ABLIM2: variants seen among roughly 807,000 people sequenced by gnomAD.
ABLIM2 encodes actin binding LIM protein family member 2, also known as actin-binding LIM protein 2.
A neutral mutation model predicts 97.7 loss-of-function variants in ABLIM2; 53 were observed. The observed-to-expected ratio is 0.54, with a 90% confidence interval of 0.44 to 0.68. The LOEUF (loss-of-function observed/expected upper bound fraction) is 0.68. Ranked by LOEUF, ABLIM2 falls within the 30% of genes least tolerant of loss-of-function variation. The pLI, the probability that ABLIM2 is intolerant of heterozygous loss-of-function variation, is 0.00. For synonymous variants in ABLIM2, 361 were observed against 345.8 expected (o/e 1.04, Z -0.49); for missense variants, 835 against 867.2 (o/e 0.96, Z 0.47).
At chr4:8,008,011 G>A (rs749546974) in intron 16 of ABLIM2, 48 bp downstream of exon 16, 133 of 1,602,524 alleles carry the variant, frequency 8.3e-5, no homozygotes, top group Non-Finnish European at 1.1e-4. Context: ...TCTTTGCCGC[G>A]AGGCATTTTG....
chr4:8,025,319 C>T (rs918331714), intron 12 of ABLIM2, among the ~76,000 whole-genome samples: 2 of 152,222 alleles, frequency 1.3e-5, no homozygotes, highest in African/African-American at 4.8e-5. Context: ...AACCTGGCCC[C>T]ACCCAGGGGA....
chr4:7,977,387 T>C (rs755319929), intron 20 of ABLIM2, among the ~76,000 whole-genome samples: 2 of 151,974 alleles, frequency 1.3e-5, no homozygotes, highest in Non-Finnish European at 2.9e-5. Context: ...TATATGCACA[T>C]ATCACACATG....
In ABLIM2 at chr4:8,122,120, G is replaced by T. The variant is rs1214825194; in HGVS notation, c.11-15483C>A. On this transcript the variant is annotated intron_variant, in intron 1 of 20. Transcript: ENST00000447017. This position sits in a 1 kb window ranked among gnomAD's most constrained non-coding sequence, Gnocchi z 4.1. The stretch of plus-strand genomic sequence containing the variant: ...ACAATATGCCCCCAAGCATATACTG[G>T]CCACACCTCAGCTGCAACCCACTCC... Among the ~76,000 whole-genome samples the T allele has an allele frequency of 6.6e-6, 1 of 152,170 alleles. No homozygotes were observed. Among genetic ancestry groups the T allele is most frequent in the Non-Finnish European group, 1.5e-5 (1 of 68,022 alleles).
intron 8 of ABLIM2, among the ~76,000 whole-genome samples, chr4:8,049,948 G>A (rs901436087): frequency 6.6e-6 from 1 of 152,082 alleles, no homozygotes; most frequent in Non-Finnish European, 1.5e-5. Flanking sequence ...GGCTGGTCTC[G>A]AACTCCTGAC....
At position 7,998,592 on chromosome 4, in the gene ABLIM2, C is replaced by A. The variant is rs908894449; in HGVS notation, c.1619-5665G>T. The A allele has an allele frequency of 4.1e-6, 2 of 482,576 alleles. No homozygotes were observed. The highest frequency in any genetic ancestry group is 3.9e-5 in the African/African-American group (2 of 51,074). 29.9% of individuals were successfully genotyped at this position (482,576 alleles called of 1,614,324 possible). ...GCCCCTGGGTTCACTCCCAGGACTG[C>A]GGGGTGCCTGCTGGCCACCTGCCCA... On this transcript the variant is annotated intron_variant, in intron 16 of 20. Coordinates refer to ENST00000447017, the MANE Select transcript of ABLIM2 (RefSeq NM_001130083.2). The surrounding 1 kb of genome is among the most constrained non-coding windows in gnomAD (Gnocchi z 6.4).
At position 7,998,988 on chromosome 4, in the gene ABLIM2, G is replaced by T. The variant is rs1465234607; in HGVS notation, c.1619-6061C>A. On this transcript the variant is annotated intron_variant, in intron 16 of 20. Transcript: ENST00000447017. The surrounding 1 kb of genome is among the most constrained non-coding windows in gnomAD (Gnocchi z 6.4). Reference sequence around the variant, plus strand: ...GTCTGGACTCCTGAAGTTGGTCTCTGTTGGGGTGGACCAGCAATCTGTAGA... The same window carrying T: ...GTCTGGACTCCTGAAGTTGGTCTCTTTTGGGGTGGACCAGCAATCTGTAGA... 6.6e-6 allele frequency among the ~76,000 whole-genome samples: 1 copy of T among 152,260 alleles called. No individual in the cohort carries two copies.
rs951750860 is a variant in ABLIM2, at chr4:8,019,444, A to G, written c.1423+174T>C. The stretch of plus-strand genomic sequence containing the variant: ...ATACCCTTCATCGTAATTTATCAGA[A>G]CAGGACTCTCGGGAGGCTGCTAGTG... On this transcript the variant is annotated intron_variant, in intron 14 of 20. Transcript: ENST00000447017. This position sits in a 1 kb window ranked among gnomAD's most constrained non-coding sequence, Gnocchi z 4.3. Among the ~76,000 whole-genome samples, 3 of 152,182 alleles carry G rather than the reference A, an allele frequency of 2.0e-5. No homozygotes were observed. Among genetic ancestry groups the G allele is most frequent in the Non-Finnish European group, 4.4e-5 (3 of 68,038 alleles).
Position 8,077,685 on chromosome 4 carries a change from G to A in ABLIM2, c.618C>T (p.Ala206=). The change falls in exon 6 of 21, where the codon GCC becomes GCT. Residue 206 remains alanine, a synonymous_variant. Transcript: ENST00000447017. ...GLPYCEADYH[A]KFGIRCDSCE... ...AGCTGTCACAGCGGATGCCGAACTT[G>A]GCGTGATAGTCAGCTTCGCAGTAGG... 6.2e-7 allele frequency: 1 copy of A among 1,613,218 alleles called. No homozygotes were observed. Among genetic ancestry groups the A allele is most frequent in the Non-Finnish European group, 8.5e-7 (1 of 1,179,532 alleles).
chr4:8,139,773 A>G (rs911396204), intron 1 of ABLIM2, among the ~76,000 whole-genome samples: 3 of 152,230 alleles, frequency 2.0e-5, no homozygotes, highest in Admixed American at 2.0e-4. Flanking sequence ...AGGAATATAA[A>G]TCATTCTATT....
At chr4:8,088,080 A>C (rs1577484373) in intron 4 of ABLIM2, 89 bp downstream of exon 4, 1 of 339,904 alleles carries the variant, frequency 2.9e-6, no homozygotes, top group Non-Finnish European at 3.9e-6. Flanking sequence ...CGCCCCACTC[A>C]GCGCCCCCCA....
chr4:8,031,391 T>C (rs1234098834), intron 10 of ABLIM2, among the ~76,000 whole-genome samples: 1 of 152,184 alleles, frequency 6.6e-6, no homozygotes, highest in African/African-American at 2.4e-5. Context: ...GGGTTCCCTG[T>C]GCAGGTAAAT....
Position 8,128,439 on chromosome 4 carries a change from G to A in ABLIM2, c.11-21802C>T, listed in dbSNP as rs557872194. ...CACCCAGTACAGCTGCCTGCAGCTCGCAAGGCCCCTGCATACCGAAACATG... is the reference window on the plus strand; with the variant it reads ...CACCCAGTACAGCTGCCTGCAGCTCACAAGGCCCCTGCATACCGAAACATG... On this transcript the variant is annotated intron_variant, in intron 1 of 20. Coordinates refer to ENST00000447017, the MANE Select transcript of ABLIM2 (RefSeq NM_001130083.2). The surrounding 1 kb of genome is among the most constrained non-coding windows in gnomAD (Gnocchi z 4.9). Among the ~76,000 whole-genome samples, 5 of 152,284 alleles carry A rather than the reference G, an allele frequency of 3.3e-5. No homozygotes were observed. Among genetic ancestry groups the A allele is most frequent in the South Asian group, 4.1e-4 (2 of 4,824 alleles).
At chr4:8,056,112 C>CAAAAAAAAAAAAAAAAAAAAAAAAAAAAA (rs60992903) in intron 7 of ABLIM2, among the ~76,000 whole-genome samples, 3 of 68,334 alleles carry the variant, frequency 4.4e-5, no homozygotes, top group Non-Finnish European at 5.6e-5. Context: ...GACTCTGTCT[C>CAAAAAAAAAAAAAAAAAAAAAAAAAAAAA]AAAAAAAAAA....
At chr4:8,052,203 C>T (rs185713298) in intron 8 of ABLIM2, among the ~76,000 whole-genome samples, 1 of 152,358 alleles carries the variant, frequency 6.6e-6, no homozygotes, top group East Asian at 1.9e-4. Flanking sequence ...TGCACACATG[C>T]AAGCCACAGT....
rs575651067 is a variant in ABLIM2 at position 7,965,600 on chromosome 4, G to C, written c.*1390C>G. 6.6e-6 allele frequency: 1 copy of C among 152,294 alleles called. No homozygotes were observed. The highest frequency in any genetic ancestry group is 2.1e-4 in the South Asian group (1 of 4,814). The allele number at this position is 152,294 out of a possible 1,614,324, so 9.4% of individuals were successfully genotyped here. ...CACACAAAGAGGCAACACCCACTGC[G>C]GACGGGGAAACAGACTTTGGTGTTT... On this transcript the variant is annotated 3_prime_UTR_variant, in exon 21 of 21. Coordinates refer to ENST00000447017, the MANE Select transcript of ABLIM2 (RefSeq NM_001130083.2).
intron 8 of ABLIM2, among the ~76,000 whole-genome samples, chr4:8,049,536 C>T (rs1254740061): frequency 1.3e-5 from 2 of 152,148 alleles, no homozygotes; most frequent in Non-Finnish European, 2.9e-5. Flanking sequence ...TGCCCGCCTC[C>T]CTTTGGAATT....
intron 1 of ABLIM2, among the ~76,000 whole-genome samples, chr4:8,114,119 C>T (rs1841627908): frequency 2.0e-5 from 3 of 152,230 alleles, no homozygotes; most frequent in African/African-American, 7.2e-5. Context: ...TGCCTGCCTC[C>T]CCTGGCCTGG....
At chr4:8,136,590 G>T (rs1850230621) in intron 1 of ABLIM2, among the ~76,000 whole-genome samples, 1 of 152,230 alleles carries the variant, frequency 6.6e-6, no homozygotes, top group Non-Finnish European at 1.5e-5. Flanking sequence ...GACTTTGTTT[G>T]TCAGTGGCCT....
intron 3 of ABLIM2, among the ~76,000 whole-genome samples, chr4:8,093,220 TAATC>T (rs762626802): frequency 4.6e-5 from 7 of 152,222 alleles, no homozygotes; most frequent in African/African-American, 7.2e-5. Flanking sequence ...ATTTTGTAAA[TAATC>T]AATATTTTGT....
Sources: gnomAD v4.1 joint callset for allele counts (sites outside exome capture counted in the v4.1 genomes callset) on GRCh38, gnomAD v4.1.1 for gene constraint, Gnocchi (gnomAD v3.1) non-coding constraint, MANE v1.5 for transcripts, NCBI Gene and HGNC (gene_info 2026-07-23, HGNC 2026-07-21) for gene names.